Variants in EPHA3 observed in about 807,000 individuals in gnomAD.
The protein encoded by EPHA3 is ephrin type-A receptor 3.
EPHA3 carries 42 observed loss-of-function variants against 107.1 expected under a neutral mutation model. That is an observed-to-expected ratio of 0.39 (90% CI 0.31 to 0.51). EPHA3 has a LOEUF of 0.51. EPHA3 is among the 20% of genes least tolerant of loss of function. EPHA3 has a pLI of 0.78. For synonymous variants in EPHA3, 461 were observed against 424.8 expected (o/e 1.09, Z -1.05); for missense variants, 1,183 against 1,211.2 (o/e 0.98, Z 0.35).
chr3:89,209,808 T>C, intron 2 of EPHA3, 52 bp from the exon 3 acceptor site: 1 of 1,447,262 alleles, frequency 6.9e-7, no homozygotes, highest in Non-Finnish European at 9.4e-7. Context: ...TATGTTGTAT[T>C]CGTTATTATC....
chr3:89,230,802 T>TCC (rs1267597973), intron 3 of EPHA3, among the ~76,000 whole-genome samples: 10 of 140,072 alleles, frequency 7.1e-5, no homozygotes, highest in African/African-American at 2.0e-4. Context: ...TCTCTCTCTC[T>TCC]CTCCCTCTCT....
chr3:89,430,414 G>T (rs1479794766), intron 12 of EPHA3, among the ~76,000 whole-genome samples: 2 of 151,908 alleles, frequency 1.3e-5, no homozygotes, highest in Non-Finnish European at 2.9e-5. Context: ...TTTCATAATC[G>T]TTATTTCAAA....
chr3:89,173,203 T>C (rs1165628597), intron 2 of EPHA3, among the ~76,000 whole-genome samples: 1 of 152,146 alleles, frequency 6.6e-6, no homozygotes, highest in African/African-American at 2.4e-5. Flanking sequence ...AAGTATTGAA[T>C]TTAATGACTA....
At chr3:89,157,863 GA>G (rs59841206) in intron 2 of EPHA3, among the ~76,000 whole-genome samples, 2,037 of 139,068 alleles carry the variant, frequency 0.015, 17 homozygotes, top group African/African-American at 0.025. Flanking sequence ...TGAAGAAAAA[GA>G]AAAAAAAAAA....
chr3:89,399,669 G>A, intron 7 of EPHA3, 189 bp downstream of exon 7: 1 of 1,249,408 alleles, frequency 8.0e-7, no homozygotes, highest in Non-Finnish European at 1.0e-6. Flanking sequence ...TGTACATTTT[G>A]TGTTTCTTTT....
intron 5 of EPHA3, among the ~76,000 whole-genome samples, chr3:89,353,325 A>T (rs1707873249): frequency 6.6e-6 from 1 of 151,430 alleles, no homozygotes; most frequent in Non-Finnish European, 1.5e-5. Context: ...AGCGAATCGG[A>T]AACTGTAAAC....
intron 3 of EPHA3, among the ~76,000 whole-genome samples, chr3:89,218,596 T>C (rs1310129002): frequency 6.6e-6 from 1 of 152,080 alleles, no homozygotes; most frequent in African/African-American, 2.4e-5. Flanking sequence ...ACAATAAACA[T>C]ACGTTTGCAT....
At chr3:89,207,757 A>G (rs942614072) in intron 2 of EPHA3, among the ~76,000 whole-genome samples, 5 of 152,088 alleles carry the variant, frequency 3.3e-5, no homozygotes, top group Non-Finnish European at 5.9e-5. Context: ...ATTTAAATAT[A>G]TTTAAATATT....
chr3:89,151,576 A>T (rs1704691529), intron 2 of EPHA3, among the ~76,000 whole-genome samples: 1 of 152,100 alleles, frequency 6.6e-6, no homozygotes, highest in Non-Finnish European at 1.5e-5. Context: ...GGGAGATGCC[A>T]CAGCACGTGC....
chr3:89,383,639 CTTTTTTTTTTT>C (rs71621546), intron 5 of EPHA3, among the ~76,000 whole-genome samples: 16 of 87,962 alleles, frequency 1.8e-4, no homozygotes, highest in Middle Eastern at 7.6e-3. Flanking sequence ...ACTTCTTCTT[CTTTTTTTTTTT>C]TTTTTTTTTT....
chr3:89,451,348 A>G (rs1434280596), intron 15 of EPHA3, among the ~76,000 whole-genome samples: 1 of 152,232 alleles, frequency 6.6e-6, no homozygotes, highest in Non-Finnish European at 1.5e-5. Context: ...CCATATAAGA[A>G]GAAAATAAAT....
intron 2 of EPHA3, among the ~76,000 whole-genome samples, chr3:89,203,737 A>C (rs1706032311): frequency 6.6e-6 from 1 of 152,158 alleles, no homozygotes; most frequent in Non-Finnish European, 1.5e-5. Flanking sequence ...AGATCGCGCC[A>C]CTGCACTCCA....
Position 89,472,525 on chromosome 3 carries a change from G to A in EPHA3, c.2752G>A (p.Asp918Asn). 6.2e-7 allele frequency: 1 copy of A among 1,614,082 alleles called. No homozygotes were observed. The change falls in exon 16 of 17, where the codon GAC (aspartate) becomes AAC (asparagine). Residue 918 changes from aspartate (D) to asparagine (N), a missense_variant. Physicochemically the swap from Asp to Asn is conservative, Grantham distance 23. Coordinates refer to ENST00000336596, the MANE Select transcript of EPHA3 (RefSeq NM_005233.6). ...VDITTFRTTG[D>N]WLNGVWTAHC... Reference sequence around the variant, plus strand: ...TATCACTACCTTCCGCACAACAGGTGACTGGCTTAATGGTGTCTGGACAGC... The same window carrying A: ...TATCACTACCTTCCGCACAACAGGTAACTGGCTTAATGGTGTCTGGACAGC...
chr3:89,241,949 G>C (rs969116285), intron 3 of EPHA3, among the ~76,000 whole-genome samples: 2 of 152,052 alleles, frequency 1.3e-5, no homozygotes, highest in Admixed American at 1.3e-4. Context: ...CAAGCCTTAA[G>C]CTTATATTGA....
intron 2 of EPHA3, among the ~76,000 whole-genome samples, chr3:89,176,497 TAAAAAAAAAAAA>T (rs55877149): frequency 2.0e-5 from 2 of 100,572 alleles, no homozygotes; most frequent in African/African-American, 7.6e-5. Flanking sequence ...ATTCCATCTC[TAAAAAAAAAAAA>T]AAAAAAAAAA....
intron 10 of EPHA3, among the ~76,000 whole-genome samples, chr3:89,416,963 G>T (rs766910730): frequency 6.6e-6 from 1 of 151,352 alleles, no homozygotes; most frequent in Non-Finnish European, 1.5e-5. Context: ...CATTAACATA[G>T]AATTTGGCAT....
chr3:89,481,427 AT>A lies in EPHA3; in HGVS notation c.*1935del, dbSNP rs576878270. On this transcript the variant is annotated 3_prime_UTR_variant, in exon 17 of 17. Transcript: ENST00000336596. ...TACCTGCTATCAGCAGCTAGAAAAC[AT>A]TTTTTTTTTAAATCAAGTATTTTGT... 1.3e-3 allele frequency: 282 copies of A among 220,420 alleles called. No individual in the cohort carries two copies. The highest frequency in any genetic ancestry group is 7.1e-3 in the Middle Eastern group (5 of 706). 13.7% of individuals were successfully genotyped at this position (220,420 alleles called of 1,614,324 possible). A position where few individuals can be genotyped will look rare whatever the true frequency, so the allele number is the denominator to read the frequency against.
chr3:89,281,750 C>A (rs1327292044), intron 3 of EPHA3, among the ~76,000 whole-genome samples: 1 of 152,102 alleles, frequency 6.6e-6, no homozygotes, highest in African/African-American at 2.4e-5. Flanking sequence ...TTACATTTTG[C>A]CTTTCTGCAA....
intron 2 of EPHA3, among the ~76,000 whole-genome samples, chr3:89,167,504 T>C (rs572368294): frequency 6.6e-6 from 1 of 152,052 alleles, no homozygotes; most frequent in Non-Finnish European, 1.5e-5. Flanking sequence ...AAAAAAGAAA[T>C]AGAAGCTAAA....
Sources: allele counts gnomAD v4.1 joint callset (sites outside exome capture counted in the v4.1 genomes callset), GRCh38; gene constraint gnomAD v4.1.1; transcripts MANE v1.5; gene names NCBI Gene and HGNC (gene_info 2026-07-23, HGNC 2026-07-21).